PPP1R1C: variants seen among roughly 807,000 people sequenced by gnomAD.
The protein encoded by PPP1R1C is protein phosphatase 1 regulatory subunit 1C.
Under a neutral mutation model 17.4 loss-of-function variants are expected in PPP1R1C, and 15 were observed. That is an observed-to-expected ratio of 0.86 (90% confidence interval 0.58 to 1.33). The LOEUF (loss-of-function observed/expected upper bound fraction) is 1.33. Ranked by LOEUF, PPP1R1C falls within the 40% of genes most tolerant of loss-of-function variation. The pLI is 0.00. For synonymous variants in PPP1R1C, 35 were observed against 43.1 expected, an observed-to-expected ratio of 0.81 and a Z score of 0.73; for missense variants, 143 against 130.0, an observed-to-expected ratio of 1.10 and a Z score of -0.48.
downstream of PPP1R1C, chr2:182,117,993 A>G (rs1251735809): frequency 6.6e-6 from 1 of 152,164 alleles, no homozygotes; most frequent in East Asian, 1.9e-4. Context: ...AAGAATGATA[A>G]ATCCAAAAAT....
chr2:181,977,167 A>AAAAAAAAAAAAAAAC (rs1685108161), intron 2 of PPP1R1C, among the ~76,000 whole-genome samples: 1 of 141,612 alleles, frequency 7.1e-6, no homozygotes, highest in African/African-American at 2.7e-5. Context: ...AAAAAAAAAA[A>AAAAAAAAAAAAAAAC]AAAAAAGCTA....
intron 4 of PPP1R1C, among the ~76,000 whole-genome samples, chr2:182,090,494 A>G (rs1574443749): frequency 6.6e-6 from 1 of 152,154 alleles, no homozygotes; most frequent in East Asian, 1.9e-4. Flanking sequence ...ACCGGTAAAA[A>G]CCAGACAAGA....
At chr2:182,091,492 A>T (rs1208882607) in intron 4 of PPP1R1C, among the ~76,000 whole-genome samples, 1 of 152,224 alleles carries the variant, frequency 6.6e-6, no homozygotes, top group East Asian at 1.9e-4. Flanking sequence ...AAATAATAAA[A>T]AAAAAAGGTA....
chr2:181,954,674 T>G (rs915046409), intron 1 of PPP1R1C: 14 of 152,274 alleles, frequency 9.2e-5, no homozygotes, highest in African/African-American at 3.4e-4. Flanking sequence ...TCCTACAGAC[T>G]TCCCCATTAT....
intron 2 of PPP1R1C, among the ~76,000 whole-genome samples, chr2:182,052,174 C>A (rs1445692627): frequency 6.6e-6 from 1 of 152,002 alleles, no homozygotes; most frequent in Non-Finnish European, 1.5e-5. Context: ...AAAAACTTAG[C>A]TTTTAGTTTT....
In PPP1R1C at chr2:181,961,941, T is replaced by C; in HGVS notation, n.111+7307T>C. ...ACCTTGTGGAGCCCATGGATGTCAC[T>C]CCCCACAGACGGGTGCATGGCCAGC... On this transcript the variant is annotated intron_variant and non_coding_transcript_variant, in intron 1 of 5. Transcript: ENST00000464264. This position sits in a 1 kb window ranked among gnomAD's most constrained non-coding sequence, Gnocchi z 5.8. 1.3e-6 allele frequency: 1 copy of C among 741,934 alleles called. No individual in the cohort carries two copies. Among genetic ancestry groups the C allele is most frequent in the Non-Finnish European group, 2.5e-6 (1 of 403,312 alleles). The allele number at this position is 741,934 out of a possible 1,614,324, so 46.0% of individuals were successfully genotyped here.
chr2:182,063,668 G>A (rs1334027742), intron 3 of PPP1R1C, 63 bp from the exon 4 acceptor site: 5 of 1,246,356 alleles, frequency 4.0e-6, no homozygotes, highest in African/African-American at 1.5e-5. Context: ...TCCCTCACAG[G>A]TCTGATGGCA....
intron 4 of PPP1R1C, among the ~76,000 whole-genome samples, chr2:182,073,014 C>T (rs1200839257): frequency 6.6e-6 from 1 of 152,208 alleles, no homozygotes; most frequent in East Asian, 1.9e-4. Context: ...TTGCCTCCGG[C>T]CACAGCCTTC....
chr2:181,995,693 C>A (rs534725387), intron 2 of PPP1R1C, among the ~76,000 whole-genome samples: 1 of 151,686 alleles, frequency 6.6e-6, no homozygotes, highest in Non-Finnish European at 1.5e-5. Context: ...GGACCTCTAA[C>A]AATAAATCTA....
At chr2:182,013,614 CT>C (rs1304815442) in intron 2 of PPP1R1C, among the ~76,000 whole-genome samples, 1 of 152,084 alleles carries the variant, frequency 6.6e-6, no homozygotes, top group Non-Finnish European at 1.5e-5. Flanking sequence ...TTTGAATAAA[CT>C]TTCTATACCT....
At chr2:182,077,030 G>A (rs1263838340) in intron 4 of PPP1R1C, among the ~76,000 whole-genome samples, 1 of 152,104 alleles carries the variant, frequency 6.6e-6, no homozygotes, top group Non-Finnish European at 1.5e-5. Context: ...ATTTTTTACA[G>A]TTACTTGGGC....
Position 182,025,196 on chromosome 2 carries a change from A to AT in PPP1R1C, c.143-36244dup, listed in dbSNP as rs1553504308. 3.5e-3 allele frequency among the ~76,000 whole-genome samples: 503 copies of AT among 145,774 alleles called. 1 individual carries two copies. The highest frequency in any genetic ancestry group is 0.011 in the African/African-American group (428 of 38,774). On this transcript the variant is annotated intron_variant, in intron 2 of 4. Transcript: ENST00000682840. ...TAAAATTATTATTATTATTATTATTATTATTTATTTATTTATTTATTTTTA... is the reference window on the plus strand; with the variant it reads ...TAAAATTATTATTATTATTATTATTATTTATTTATTTATTTATTTATTTTTA...
At chr2:182,079,218 T>C (rs1265849936) in intron 4 of PPP1R1C, among the ~76,000 whole-genome samples, 4 of 152,212 alleles carry the variant, frequency 2.6e-5, no homozygotes, top group African/African-American at 9.6e-5. Flanking sequence ...TAAATTCACG[T>C]CTCTGATAGC....
At chr2:182,063,348 A>G (rs952962507) in intron 3 of PPP1R1C, among the ~76,000 whole-genome samples, 1 of 152,064 alleles carries the variant, frequency 6.6e-6, no homozygotes, top group East Asian at 1.9e-4. Flanking sequence ...AACAGATACT[A>G]TTATTCCCTG....
At chr2:181,960,073 G>A (rs1211165638) in intron 1 of PPP1R1C, among the ~76,000 whole-genome samples, 1 of 152,150 alleles carries the variant, frequency 6.6e-6, no homozygotes, top group African/African-American at 2.4e-5. Flanking sequence ...CTCAAAAATT[G>A]TGGATACCTG....
At chr2:182,076,912 G>C (rs1279824551) in intron 4 of PPP1R1C, among the ~76,000 whole-genome samples, 1 of 152,102 alleles carries the variant, frequency 6.6e-6, no homozygotes, top group Non-Finnish European at 1.5e-5. Flanking sequence ...ATACTCCTTT[G>C]TACCAGTCTT....
intron 4 of PPP1R1C, among the ~76,000 whole-genome samples, chr2:182,090,176 A>G (rs1688741017): frequency 6.6e-6 from 1 of 152,120 alleles, no homozygotes; most frequent in Non-Finnish European, 1.5e-5. Context: ...TACTCTGTGT[A>G]CAGATGAATG....
rs76309038 is a variant in PPP1R1C, at chr2:182,012,246, C to A, written c.142+24347C>A. The stretch of plus-strand genomic sequence containing the variant: ...GGTATTATTGTATTGTGATTTATAT[C>A]TCTCTTTAATAATATTTCCTTTCTA... On this transcript the variant is annotated intron_variant, in intron 2 of 4. Coordinates refer to ENST00000682840, the MANE Select transcript of PPP1R1C (RefSeq NM_001080545.3). Among the ~76,000 whole-genome samples, 4 of 151,986 alleles carry A rather than the reference C, an allele frequency of 2.6e-5. No individual in the cohort carries two copies. In the East Asian group the frequency reaches 7.7e-4, roughly 29 times the overall value.
chr2:182,076,748 T>A (rs1417692395), intron 4 of PPP1R1C, among the ~76,000 whole-genome samples: 1 of 152,236 alleles, frequency 6.6e-6, no homozygotes, highest in Non-Finnish European at 1.5e-5. Flanking sequence ...GGCTGTAGTA[T>A]CTTGCTTATG....
Sources: gnomAD v4.1 joint callset for allele counts (sites outside exome capture counted in the v4.1 genomes callset) on GRCh38, gnomAD v4.1.1 for gene constraint, Gnocchi (gnomAD v3.1) non-coding constraint, MANE v1.5 for transcripts, NCBI Gene and HGNC (gene_info 2026-07-23, HGNC 2026-07-21) for gene names.